CALN1: variants seen among roughly 807,000 people sequenced by gnomAD.
The protein encoded by CALN1 is calneuron 1.
A neutral mutation model predicts 30.6 loss-of-function variants in CALN1; 17 were observed. The ratio of observed to expected loss-of-function variants is 0.56; its 90% CI spans 0.38 to 0.83. The LOEUF (loss-of-function observed/expected upper bound fraction) is 0.83, where lower values mean the gene tolerates loss of function less well. Among genes scored for constraint, CALN1 ranks in the 40% least tolerant of loss-of-function variants. CALN1 has a pLI of 0.00. For missense variants in CALN1, 291 were observed against 354.9 expected (o/e 0.82, Z 1.45); for synonymous variants, 156 against 131.4 (o/e 1.19, Z -1.28).
At chr7:72,017,198 A>G (rs1800446051) in intron 5 of CALN1, among the ~76,000 whole-genome samples, 2 of 149,488 alleles carry the variant, frequency 1.3e-5, no homozygotes, top group South Asian at 2.1e-4. Flanking sequence ...AAAAGAGTCC[A>G]GGACCAAAGC....
At chr7:72,257,007 C>T (rs1013471980) in intron 3 of CALN1, among the ~76,000 whole-genome samples, 45 of 152,202 alleles carry the variant, frequency 3.0e-4, no homozygotes, top group African/African-American at 1.1e-3. Flanking sequence ...CTACCCAAGA[C>T]TTGGTAATTT....
chr7:72,286,450 A>G (rs1798084629), intron 2 of CALN1, among the ~76,000 whole-genome samples: 1 of 152,150 alleles, frequency 6.6e-6, no homozygotes, highest in East Asian at 1.9e-4. Flanking sequence ...AGGAGTAATG[A>G]CCTATGGGGA....
At chr7:72,231,827 C>G (rs1037282093) in intron 3 of CALN1, among the ~76,000 whole-genome samples, 1 of 152,110 alleles carries the variant, frequency 6.6e-6, no homozygotes, top group Non-Finnish European at 1.5e-5. Context: ...CCTGGGCTGT[C>G]AGGGTAAGAG....
intron 2 of CALN1, among the ~76,000 whole-genome samples, chr7:72,349,929 T>C (rs1467205764): frequency 6.6e-6 from 1 of 152,236 alleles, no homozygotes; most frequent in Non-Finnish European, 1.5e-5. Context: ...GCAGATGCTC[T>C]TTAGTTGAAT....
At chr7:72,387,735 C>T (rs1805323118) in intron 2 of CALN1, among the ~76,000 whole-genome samples, 2 of 152,182 alleles carry the variant, frequency 1.3e-5, no homozygotes, top group Non-Finnish European at 1.5e-5. Context: ...GAAACTGTCA[C>T]AGCCAAGGGG....
intron 2 of CALN1, among the ~76,000 whole-genome samples, chr7:72,300,813 C>T (rs748184691): frequency 1.0e-3 from 158 of 151,430 alleles, no homozygotes; most frequent in South Asian, 2.1e-4. Context: ...GCCAACATGG[C>T]GAAACCCCGT....
chr7:71,992,866 A>G (rs1337624711), intron 5 of CALN1, among the ~76,000 whole-genome samples: 1 of 152,154 alleles, frequency 6.6e-6, no homozygotes, highest in Non-Finnish European at 1.5e-5. Flanking sequence ...GCCAATCACG[A>G]TCACTGGCCT....
intron 5 of CALN1, among the ~76,000 whole-genome samples, chr7:72,013,742 G>A (rs1800222722): frequency 1.3e-5 from 2 of 151,678 alleles, no homozygotes; most frequent in Admixed American, 6.6e-5. Flanking sequence ...AATAGATGTA[G>A]GATGGTAATG....
At chr7:72,211,797 G>A (rs1295343092) in intron 3 of CALN1, among the ~76,000 whole-genome samples, 1 of 152,080 alleles carries the variant, frequency 6.6e-6, no homozygotes, top group African/African-American at 2.4e-5. Context: ...GCCTGGGTTT[G>A]AATTAACTTT....
intron 5 of CALN1, among the ~76,000 whole-genome samples, chr7:71,849,933 C>G (rs1318759404): frequency 1.3e-5 from 2 of 152,096 alleles, no homozygotes; most frequent in Admixed American, 1.3e-4. Flanking sequence ...GCACTCAACC[C>G]GTACTAGCAA....
chr7:71,883,924 C>T (rs958910776), intron 5 of CALN1, among the ~76,000 whole-genome samples: 1 of 152,056 alleles, frequency 6.6e-6, no homozygotes, highest in Non-Finnish European at 1.5e-5. Context: ...TTCCTTCCTT[C>T]CTTTCTTTCT....
At chr7:72,130,775 A>T (rs1221091836) in intron 3 of CALN1, among the ~76,000 whole-genome samples, 1 of 152,226 alleles carries the variant, frequency 6.6e-6, no homozygotes, top group Admixed American at 6.5e-5. Context: ...TTGTGATTGT[A>T]AAAGTACACA....
chr7:72,280,912 G>A (rs1797691886), intron 2 of CALN1, among the ~76,000 whole-genome samples: 1 of 152,118 alleles, frequency 6.6e-6, no homozygotes, highest in Admixed American at 6.5e-5. Flanking sequence ...GGAGACCTAG[G>A]CAGGTGGATC....
At chr7:71,923,414 C>G (rs1435214767) in intron 5 of CALN1, among the ~76,000 whole-genome samples, 1 of 152,120 alleles carries the variant, frequency 6.6e-6, no homozygotes, top group Non-Finnish European at 1.5e-5. Context: ...TGGTGGCTCC[C>G]CTATGCACTT....
the CALN1 span, among the ~76,000 whole-genome samples, chr7:72,474,480 G>T: frequency 6.6e-6 from 1 of 151,824 alleles, no homozygotes; most frequent in Non-Finnish European, 1.5e-5. Context: ...GAACCCAAGA[G>T]TCCAAGACCA....
intron 3 of CALN1, among the ~76,000 whole-genome samples, chr7:72,192,796 C>T (rs1790712628): frequency 8.5e-6 from 1 of 118,182 alleles, no homozygotes; most frequent in Non-Finnish European, 1.7e-5. Flanking sequence ...GATGCTATCC[C>T]TCCCCCCTCC....
intron 2 of CALN1, among the ~76,000 whole-genome samples, chr7:72,355,043 G>C (rs1270824891): frequency 6.6e-6 from 1 of 151,924 alleles, no homozygotes; most frequent in African/African-American, 2.4e-5. Context: ...GGAATAGCTG[G>C]GACTACAGGC....
At chr7:72,466,269 A>G in the CALN1 span, among the ~76,000 whole-genome samples, 1 of 152,102 alleles carries the variant, frequency 6.6e-6, no homozygotes, top group East Asian at 1.9e-4. Context: ...ACACACACAC[A>G]GGTGTGAACA....
chr7:72,498,423 C>T, the CALN1 span, among the ~76,000 whole-genome samples: 1 of 146,978 alleles, frequency 6.8e-6, no homozygotes, highest in Non-Finnish European at 1.5e-5. Flanking sequence ...ATCTCAAAAG[C>T]AGTCAGGAAA....
Sources: gnomAD v4.1 joint callset for allele counts (sites outside exome capture counted in the v4.1 genomes callset) on GRCh38, gnomAD v4.1.1 for gene constraint, MANE v1.5 for transcripts, NCBI Gene and HGNC (gene_info 2026-07-23, HGNC 2026-07-21) for gene names.